The following AKAIN1 variants were observed in gnomAD, a reference collection of about 807,000 sequenced individuals.
AKAIN1 encodes the protein A-kinase anchor protein inhibitor 1.
In AKAIN1, 3 loss-of-function variants were observed where a neutral mutation model predicts 3.7. The observed-to-expected ratio is 0.82, with a 90% CI of 0.37 to 2.12. AKAIN1 has a LOEUF of 2.12. Ranked by LOEUF, AKAIN1 falls within the 30% of genes most tolerant of loss-of-function variation. The pLI, the probability that AKAIN1 is intolerant of heterozygous loss-of-function variation, is 0.06. For missense variants in AKAIN1, 82 were observed against 82.7 expected, an observed-to-expected ratio of 0.99 and a Z score of 0.03; for synonymous variants, 31 against 30.8, an observed-to-expected ratio of 1.01 and a Z score of -0.02.
intron 1 of AKAIN1, among the ~76,000 whole-genome samples, chr18:5,185,423 A>G (rs1261756957): frequency 1.3e-5 from 2 of 152,204 alleles, no homozygotes; most frequent in Non-Finnish European, 2.9e-5. Context: ...ACAAAATGGT[A>G]GAAAAATATT....
rs144060982 is a variant in AKAIN1, at chr18:5,151,633, G to A, written c.17-5878C>T. Among the ~76,000 whole-genome samples, 119 of 152,184 alleles carry A rather than the reference G, an allele frequency of 7.8e-4. 1 individual carries two copies. Among genetic ancestry groups the A allele is most frequent in the Admixed American group, 6.2e-3 (95 of 15,278 alleles). ...TTGAGTGATACTGTCTATTACCACC[G>A]CCACCCTTATCAAATCAGATACAGG... On this transcript the variant is annotated intron_variant, in intron 1 of 1. Transcript: ENST00000434239.
intron 1 of AKAIN1, among the ~76,000 whole-genome samples, chr18:5,160,545 T>A (rs1208323249): frequency 6.6e-6 from 1 of 152,174 alleles, no homozygotes; most frequent in Non-Finnish European, 1.5e-5. Context: ...TTTCTCTTAA[T>A]GAGCAGAAGT....
chr18:5,182,088 C>T (rs572674997), intron 1 of AKAIN1, among the ~76,000 whole-genome samples: 94 of 152,210 alleles, frequency 6.2e-4, no homozygotes, highest in African/African-American at 2.2e-3. Context: ...AGCTGCTAGC[C>T]TTTAAACAGC....
intron 1 of AKAIN1, among the ~76,000 whole-genome samples, chr18:5,155,584 C>T (rs2071103343): frequency 6.6e-6 from 1 of 152,178 alleles, no homozygotes; most frequent in Non-Finnish European, 1.5e-5. Context: ...ACAAGCTCTC[C>T]TTTCCAAATG....
chr18:5,176,668 T>A (rs2071228629), intron 1 of AKAIN1, among the ~76,000 whole-genome samples: 1 of 152,150 alleles, frequency 6.6e-6, no homozygotes, highest in South Asian at 2.1e-4. Context: ...ATGAGACACA[T>A]CTCTTTCTTT....
intron 1 of AKAIN1, among the ~76,000 whole-genome samples, chr18:5,190,088 A>C (rs2071310641): frequency 6.6e-6 from 1 of 152,166 alleles, no homozygotes; most frequent in Admixed American, 6.5e-5. Context: ...GTGGAAGGCA[A>C]AAGCAAGCAT....
rs748650893 is a variant in AKAIN1 at position 5,144,359 on chromosome 18, C to G, written c.*1203G>C. Among the ~76,000 whole-genome samples, 1 of 152,174 alleles carries G rather than the reference C, an allele frequency of 6.6e-6. No homozygotes were observed. Among genetic ancestry groups the G allele is most frequent in the Non-Finnish European group, 1.5e-5 (1 of 68,042 alleles). ...AACCAAGGTCAAATTCTTCCTCTGTCCCCAATAGCACCAATTCAATAACTT... is the reference window on the plus strand; with the variant it reads ...AACCAAGGTCAAATTCTTCCTCTGTGCCCAATAGCACCAATTCAATAACTT... On this transcript the variant is annotated 3_prime_UTR_variant, in exon 2 of 2. Coordinates refer to ENST00000434239, the MANE Select transcript of AKAIN1 (RefSeq NM_001145194.2).
chr18:5,158,726 A>T (rs2071122139), intron 1 of AKAIN1, among the ~76,000 whole-genome samples: 1 of 152,132 alleles, frequency 6.6e-6, no homozygotes, highest in Non-Finnish European at 1.5e-5. Context: ...TGAACCCTGC[A>T]CACATGGGTA....
Position 5,145,330 on chromosome 18 carries a change from C to A in AKAIN1, c.*232G>T. ...GCCTGCAAAACTACTTTTGCAATTA[C>A]AGTGTCATATTTGGCCCCACTATGT... is the stretch of plus-strand genomic sequence containing the variant. On this transcript the variant is annotated 3_prime_UTR_variant, in exon 2 of 2. Transcript: ENST00000434239. The A allele has an allele frequency of 2.7e-6, 1 of 368,266 alleles. No individual in the cohort carries two copies. Among genetic ancestry groups the A allele is most frequent in the East Asian group, 4.1e-5 (1 of 24,634 alleles). The allele number at this position is 368,266 out of a possible 1,614,324, so 22.8% of individuals were successfully genotyped here. A position where few individuals can be genotyped will look rare whatever the true frequency, so the allele number is the denominator to read the frequency against.
At chr18:5,147,340 T>C (rs61140589) in intron 1 of AKAIN1, among the ~76,000 whole-genome samples, 7,353 of 152,264 alleles carry the variant, frequency 0.048, 605 homozygotes, top group African/African-American at 0.17. Flanking sequence ...TGTATTTTTT[T>C]AATTGTGCAG....
chr18:5,155,258 G>A (rs1173824253), intron 1 of AKAIN1, among the ~76,000 whole-genome samples: 5 of 152,144 alleles, frequency 3.3e-5, no homozygotes, highest in African/African-American at 1.2e-4. Context: ...TGCAGTGAGG[G>A]TTTTGCATCC....
At chr18:5,192,027 T>C (rs2071321555) in intron 1 of AKAIN1, among the ~76,000 whole-genome samples, 1 of 152,194 alleles carries the variant, frequency 6.6e-6, no homozygotes, top group African/African-American at 2.4e-5. Flanking sequence ...TAAGTATGTG[T>C]GGAGTTTTCC....
At chr18:5,164,807 C>A (rs1201655104) in intron 1 of AKAIN1, among the ~76,000 whole-genome samples, 2 of 151,966 alleles carry the variant, frequency 1.3e-5, no homozygotes, top group Non-Finnish European at 1.5e-5. Flanking sequence ...TATATCACCC[C>A]CACACAATGC....
chr18:5,164,881 C>A (rs1165829971), intron 1 of AKAIN1, among the ~76,000 whole-genome samples: 1 of 151,994 alleles, frequency 6.6e-6, no homozygotes, highest in Non-Finnish European at 1.5e-5. Flanking sequence ...TGTCACATCA[C>A]TGGCCTTTTA....
At chr18:5,170,229 C>A (rs1450054770) in intron 1 of AKAIN1, among the ~76,000 whole-genome samples, 2 of 152,138 alleles carry the variant, frequency 1.3e-5, no homozygotes, top group African/African-American at 4.8e-5. Context: ...AAAGACTCAG[C>A]CTTTTAGACT....
chr18:5,145,598 G>A lies in AKAIN1; in HGVS notation c.174C>T (p.Gly58=), dbSNP rs895646791. ...CGTGCTTCTTGGTTAACTCCCCAAC[G>A]CCCAGTTGGATGTGGTCCCGGTTGT... ...ISDNRDHIQL[G]VGELTKKHEK... is the part of the protein sequence containing the mutation. The change falls in exon 2 of 2, where the codon GGC becomes GGT. Residue 58 remains glycine, a synonymous_variant. Coordinates refer to ENST00000434239, the MANE Select transcript of AKAIN1 (RefSeq NM_001145194.2). 1.7e-5 allele frequency: 27 copies of A among 1,551,414 alleles called. No homozygotes were observed. Among genetic ancestry groups the A allele is most frequent in the South Asian group, 2.4e-5 (2 of 84,060 alleles).
chr18:5,189,695 ACATTC>A (rs1275290905), intron 1 of AKAIN1, among the ~76,000 whole-genome samples: 1 of 151,362 alleles, frequency 6.6e-6, no homozygotes, highest in Non-Finnish European at 1.5e-5. Context: ...ATTTCTACCA[ACATTC>A]TGGTCACAAC....
At chr18:5,163,860 T>C (rs1053668011) in intron 1 of AKAIN1, 1 of 152,114 alleles carries the variant, frequency 6.6e-6, no homozygotes, top group African/African-American at 2.4e-5. Context: ...ATATTATCGA[T>C]ATGTGTGTTC....
At chr18:5,164,138 A>C (rs1485140993) in intron 1 of AKAIN1, among the ~76,000 whole-genome samples, 1 of 152,102 alleles carries the variant, frequency 6.6e-6, no homozygotes, top group African/African-American at 2.4e-5. Flanking sequence ...GAAAAAGTAC[A>C]GTGAAAAAAC....
Sources: allele counts gnomAD v4.1 joint callset (sites outside exome capture counted in the v4.1 genomes callset), GRCh38; gene constraint gnomAD v4.1.1; transcripts MANE v1.5; gene names NCBI Gene and HGNC (gene_info 2026-07-23, HGNC 2026-07-21).